Variants in NRXN3 observed in about 807,000 individuals in gnomAD.
NRXN3 encodes neurexin 3.
NRXN3 carries 32 observed loss-of-function variants against 137.6 expected under a neutral mutation model. The ratio of observed to expected loss-of-function variants is 0.23; its 90% CI spans 0.18 to 0.31. The LOEUF (loss-of-function observed/expected upper bound fraction) is 0.31, where lower values mean the gene tolerates loss of function less well. Ranked by LOEUF, NRXN3 falls within the 10% of genes least tolerant of loss-of-function variation. The probability of loss-of-function intolerance (pLI) is 1.00; values close to 1 mark genes in which losing one functional copy is unlikely to be tolerated. For missense variants in NRXN3, 1,574 were observed against 2,062.5 expected (o/e 0.76, Z 4.59); for synonymous variants, 798 against 784.5 (o/e 1.02, Z -0.29).
chr14:79,431,648 C>A (rs963506887), intron 15 of NRXN3, among the ~76,000 whole-genome samples: 1 of 151,960 alleles, frequency 6.6e-6, no homozygotes, highest in Non-Finnish European at 1.5e-5. Flanking sequence ...TTAAATAAAT[C>A]AAGTTTGCAA....
chr14:79,847,240 A>C (rs1228864900), intron 20 of NRXN3, among the ~76,000 whole-genome samples: 1 of 152,070 alleles, frequency 6.6e-6, no homozygotes, highest in African/African-American at 2.4e-5. Flanking sequence ...ACTTCCTTCC[A>C]ATCTCCATCT....
intron 4 of NRXN3, among the ~76,000 whole-genome samples, chr14:78,429,088 T>C (rs923509532): frequency 6.6e-6 from 1 of 152,054 alleles, no homozygotes; most frequent in Non-Finnish European, 1.5e-5. Flanking sequence ...ATTATTATTA[T>C]TTTTTGAGAC....
intron 10 of NRXN3, among the ~76,000 whole-genome samples, chr14:78,843,736 G>C (rs1567487126): frequency 6.6e-6 from 1 of 152,058 alleles, no homozygotes. Context: ...TGCTCCTGTA[G>C]GTTTGCTTTA....
chr14:78,811,233 TTCAG>T (rs2098911062), intron 10 of NRXN3, among the ~76,000 whole-genome samples: 1 of 152,194 alleles, frequency 6.6e-6, no homozygotes, highest in Non-Finnish European at 1.5e-5. Flanking sequence ...TTATTTCTTG[TTCAG>T]TCAAAGTCCA....
At chr14:79,235,226 A>G (rs2073162690) in intron 15 of NRXN3, among the ~76,000 whole-genome samples, 1 of 152,130 alleles carries the variant, frequency 6.6e-6, no homozygotes, top group Admixed American at 6.6e-5. Context: ...GAAAGGGGAG[A>G]AAACCTACTT....
intron 6 of NRXN3, among the ~76,000 whole-genome samples, chr14:78,692,710 A>T (rs142898141): frequency 1.8e-3 from 276 of 152,330 alleles, no homozygotes; most frequent in African/African-American, 6.4e-3. Context: ...TCTCAGCCTC[A>T]GTTTTCTCAT....
At position 78,235,004 on chromosome 14, in the gene NRXN3, A is replaced by ATATATATATATATGTGTG. The variant is rs1555418578; in HGVS notation, c.-703-7374_-703-7373insGTGTGTATATATATATAT. 4.3e-4 allele frequency among the ~76,000 whole-genome samples: 28 copies of ATATATATATATATGTGTG among 65,646 alleles called. 2 individuals carry two copies. The East Asian group carries it at 5.3e-3, about 12-fold the overall frequency. 43.1% of individuals were successfully genotyped at this position (65,646 alleles called of 152,430 possible). A position where few individuals can be genotyped will look rare whatever the true frequency, so the allele number is the denominator to read the frequency against. On this transcript the variant is annotated intron_variant, in intron 1 of 20. Transcript: ENST00000335750. ...CAGCCACAAATGCTTTTATATATAT[A>ATATATATATATATGTGTG]TATATATATATATATATATGTGTAT...
intron 16 of NRXN3, among the ~76,000 whole-genome samples, chr14:79,539,044 C>T (rs989730966): frequency 6.6e-6 from 1 of 152,102 alleles, no homozygotes; most frequent in South Asian, 2.1e-4. Flanking sequence ...ATAAAGTGAT[C>T]GAGACAGGTT....
chr14:78,744,802 A>T (rs2098599605), intron 8 of NRXN3: 1 of 152,232 alleles, frequency 6.6e-6, no homozygotes, highest in Non-Finnish European at 1.5e-5. Context: ...AGATACACAC[A>T]GAGATAACTG....
intron 15 of NRXN3, among the ~76,000 whole-genome samples, chr14:79,321,280 G>T (rs1042221993): frequency 6.6e-6 from 1 of 152,062 alleles, no homozygotes; most frequent in African/African-American, 2.4e-5. Context: ...CAGTCAAAAG[G>T]TAAAATCAGT....
rs181219745 is a variant in NRXN3 at position 79,111,674 on chromosome 14, G to A, written c.3262+123533G>A. Among the ~76,000 whole-genome samples, 15 of 151,398 alleles carry A rather than the reference G, an allele frequency of 9.9e-5. 1 individual carries two copies. Among genetic ancestry groups the A allele is most frequent in the Middle Eastern group, 3.4e-3 (1 of 292 alleles). ...AATCTCTTAAACCTGGGAGGTGGAC[G>A]TTGCAGTGAGCTGAGATCGCACCGT... On this transcript the variant is annotated intron_variant, in intron 15 of 20. Transcript: ENST00000335750.
intron 14 of NRXN3, 101 bp from the exon 15 acceptor site, chr14:78,987,921 G>A: frequency 2.3e-6 from 3 of 1,306,670 alleles, no homozygotes; most frequent in Non-Finnish European, 3.1e-6. Flanking sequence ...ATGTTTGGGG[G>A]CATGAGAATG....
intron 15 of NRXN3, among the ~76,000 whole-genome samples, chr14:79,178,549 A>G (rs767087121): frequency 1.3e-5 from 2 of 152,250 alleles, no homozygotes; most frequent in East Asian, 3.9e-4. Context: ...AGTTATAGCT[A>G]TTGTTACTAA....
intron 4 of NRXN3, among the ~76,000 whole-genome samples, chr14:78,363,835 G>A (rs2085495783): frequency 6.6e-6 from 1 of 152,122 alleles, no homozygotes; most frequent in African/African-American, 2.4e-5. Context: ...TGATTTTCCT[G>A]GAGGATAAAA....
intron 4 of NRXN3, among the ~76,000 whole-genome samples, chr14:78,385,290 AACACACAC>A (rs34246142): frequency 0.11 from 16,062 of 147,196 alleles, 945 homozygotes; most frequent in African/African-American, 0.13. Context: ...AACTTTAAGC[AACACACAC>A]ACACACACAC....
intron 4 of NRXN3, among the ~76,000 whole-genome samples, chr14:78,531,104 C>A (rs1217380628): frequency 6.6e-6 from 1 of 152,034 alleles, no homozygotes; most frequent in Non-Finnish European, 1.5e-5. Flanking sequence ...TCTTTTTGCC[C>A]CTTTTATGGC....
At chr14:78,926,836 TAAATATATAA>T (rs2099300566) in intron 10 of NRXN3, among the ~76,000 whole-genome samples, 3 of 24,626 alleles carry the variant, frequency 1.2e-4, no homozygotes, top group Admixed American at 6.6e-4. Flanking sequence ...ATAATTTATA[TAAATATATAA>T]TATATTATAT....
intron 4 of NRXN3, among the ~76,000 whole-genome samples, chr14:78,542,267 C>T (rs555000792): frequency 3.3e-4 from 51 of 152,370 alleles, no homozygotes; most frequent in Non-Finnish European, 6.3e-4. Flanking sequence ...TTCAGCTGTG[C>T]CCTGCCCATA....
At chr14:79,479,657 T>A (rs981709622) in intron 16 of NRXN3, among the ~76,000 whole-genome samples, 5 of 152,140 alleles carry the variant, frequency 3.3e-5, no homozygotes, top group Non-Finnish European at 7.4e-5. Context: ...GCAGCATACA[T>A]AACTTAAAAT....
Sources: gnomAD v4.1 joint callset for allele counts (sites outside exome capture counted in the v4.1 genomes callset) on GRCh38, gnomAD v4.1.1 for gene constraint, MANE v1.5 for transcripts, NCBI Gene and HGNC (gene_info 2026-07-23, HGNC 2026-07-21) for gene names.